DYNC2H1: variants seen among roughly 807,000 people sequenced by gnomAD.
The protein encoded by DYNC2H1 is dynein cytoplasmic 2 heavy chain 1, also known as cytoplasmic dynein 2 heavy chain 1.
In DYNC2H1, 410 loss-of-function variants were observed where a neutral mutation model predicts 570.0. That is an observed-to-expected ratio of 0.72 (90% confidence interval 0.66 to 0.78). The LOEUF is 0.78. DYNC2H1 is among the 30% of genes least tolerant of loss of function. The pLI is 0.00. For synonymous variants in DYNC2H1, 1,688 were observed against 1,677.6 expected (o/e 1.01, Z -0.15); for missense variants, 4,865 against 5,046.4 (o/e 0.96, Z 1.09).
chr11:103,152,924 A>T (rs1455120716), intron 21 of DYNC2H1, among the ~76,000 whole-genome samples: 1 of 152,194 alleles, frequency 6.6e-6, no homozygotes, highest in Admixed American at 6.6e-5. Context: ...CCTTAGCTGC[A>T]TGGGAGACTG....
At chr11:103,259,513 G>A (rs1591486716) in intron 69 of DYNC2H1, among the ~76,000 whole-genome samples, 1 of 151,850 alleles carries the variant, frequency 6.6e-6, no homozygotes, top group Non-Finnish European at 1.5e-5. Context: ...TTCTTTATAA[G>A]GTATTCTTGT....
chr11:103,258,403 A>C (rs2135269267), intron 69 of DYNC2H1, among the ~76,000 whole-genome samples: 1 of 152,308 alleles, frequency 6.6e-6, no homozygotes. Flanking sequence ...TTAATCCGAA[A>C]CTTGGCCAAT....
chr11:103,136,943 T>C (rs1177198505), intron 17 of DYNC2H1, among the ~76,000 whole-genome samples: 133 of 151,712 alleles, frequency 8.8e-4, no homozygotes, highest in Admixed American at 2.2e-3. Flanking sequence ...TGGTATCTCA[T>C]TGTGGTTTTG....
At position 103,439,718 on chromosome 11, in the gene DYNC2H1, C is replaced by G. The variant is rs900412834; in HGVS notation, c.12456+3686C>G. On this transcript the variant is annotated intron_variant, in intron 85 of 88. Transcript: ENST00000375735. The surrounding 1 kb of genome is among the most constrained non-coding windows in gnomAD (Gnocchi z 4.1). The stretch of plus-strand genomic sequence containing the variant: ...TTCACTCTCTGGTTTCTGTAAGATC[C>G]TTTAGAGCAAAGATCTTAAAAAAAA... Among the ~76,000 whole-genome samples, 3 of 151,828 alleles carry G rather than the reference C, an allele frequency of 2.0e-5. No homozygotes were observed. Among genetic ancestry groups the G allele is most frequent in the African/African-American group, 7.3e-5 (3 of 41,326 alleles).
chr11:103,340,867 G>T (rs1939409773), intron 82 of DYNC2H1, among the ~76,000 whole-genome samples: 1 of 151,908 alleles, frequency 6.6e-6, no homozygotes, highest in Non-Finnish European at 1.5e-5. Context: ...ACAAATAATG[G>T]CATAAAAAAA....
intron 82 of DYNC2H1, among the ~76,000 whole-genome samples, chr11:103,356,692 CA>C (rs984789147): frequency 2.0e-5 from 3 of 151,526 alleles, no homozygotes; most frequent in Non-Finnish European, 2.9e-5. Flanking sequence ...ATCAGAAAAA[CA>C]AAAAAAATCA....
intron 84 of DYNC2H1, among the ~76,000 whole-genome samples, chr11:103,430,686 G>C (rs1468193837): frequency 7.2e-5 from 11 of 151,882 alleles, no homozygotes; most frequent in Admixed American, 5.9e-4. Flanking sequence ...TAAGTCATCA[G>C]CCCATTTCTG....
chr11:103,156,507 T>A lies in DYNC2H1; in HGVS notation c.3864T>A (p.Thr1288=). 6.2e-7 allele frequency: 1 copy of A among 1,613,774 alleles called. No individual in the cohort carries two copies. Among genetic ancestry groups the A allele is most frequent in the Non-Finnish European group, 8.5e-7 (1 of 1,179,756 alleles). ...LIDYEDSQSR[T]MKLIKDWKDI... The stretch of plus-strand genomic sequence containing the variant: ...ATTATGAAGACAGCCAAAGTCGAAC[T>A]ATGAAGCTGATTAAAGACTGGAAAG... The change falls in exon 26 of 89, where the codon ACT becomes ACA. Residue 1288 remains threonine, a synonymous_variant. Coordinates refer to ENST00000375735, the MANE Select transcript of DYNC2H1 (RefSeq NM_001377.3).
intron 84 of DYNC2H1, among the ~76,000 whole-genome samples, chr11:103,424,907 A>G (rs905308638): frequency 6.6e-6 from 1 of 152,120 alleles, no homozygotes; most frequent in African/African-American, 2.4e-5. Flanking sequence ...TCTGTCTTAT[A>G]TCCAATAGAC....
intron 86 of DYNC2H1, 42 bp downstream of exon 86, chr11:103,455,337 A>G: frequency 6.4e-7 from 1 of 1,561,646 alleles, no homozygotes; most frequent in Non-Finnish European, 8.8e-7. Flanking sequence ...CCCTGACGGT[A>G]ATTAGTTTTG....
chr11:103,386,256 A>T (rs1029641330), intron 83 of DYNC2H1, among the ~76,000 whole-genome samples: 12 of 152,224 alleles, frequency 7.9e-5, no homozygotes, highest in African/African-American at 2.9e-4. Flanking sequence ...GTATTAAATG[A>T]TTATGCTTTG....
At position 103,205,898 on chromosome 11, in the gene DYNC2H1, CT is replaced by C. The variant is rs1862904362; in HGVS notation, c.8454+937del. Among the ~76,000 whole-genome samples, 1 of 152,100 alleles carries C rather than the reference CT, an allele frequency of 6.6e-6. No homozygotes were observed. The highest frequency in any genetic ancestry group is 6.6e-5 in the Admixed American group (1 of 15,258). ...TAAGAGGAAACCAGTTAGGATGGGG[CT>C]TTGTAAGCTACTACACTCTATAGGA... On this transcript the variant is annotated intron_variant, in intron 52 of 88. Coordinates refer to ENST00000375735, the MANE Select transcript of DYNC2H1 (RefSeq NM_001377.3). The surrounding 1 kb of genome is among the most constrained non-coding windows in gnomAD (Gnocchi z 4.5).
chr11:103,389,212 C>A (rs7933915), intron 83 of DYNC2H1, among the ~76,000 whole-genome samples: 5,396 of 152,212 alleles, frequency 0.035, 316 homozygotes, highest in African/African-American at 0.12. Context: ...GATTCAACTT[C>A]TCCTGGTTTA....
At chr11:103,230,699 T>C (rs1863971608) in intron 59 of DYNC2H1, among the ~76,000 whole-genome samples, 1 of 152,332 alleles carries the variant, frequency 6.6e-6, no homozygotes, top group African/African-American at 2.4e-5. Context: ...TTTTAGCTTT[T>C]GGCTTTTTGC....
intron 84 of DYNC2H1, among the ~76,000 whole-genome samples, chr11:103,417,875 CAAAA>C (rs57468229): frequency 4.6e-5 from 6 of 131,460 alleles, no homozygotes; most frequent in African/African-American, 1.7e-4. Flanking sequence ...GACTCCATCT[CAAAA>C]AAAAAAAAAA....
intron 69 of DYNC2H1, among the ~76,000 whole-genome samples, chr11:103,259,418 C>A (rs1403271449): frequency 6.6e-6 from 1 of 152,124 alleles, no homozygotes; most frequent in Non-Finnish European, 1.5e-5. Flanking sequence ...TTTACAGCAT[C>A]AATTTCAAAG....
At position 103,163,104 on chromosome 11, in the gene DYNC2H1, G is replaced by A. The variant is rs779319572; in HGVS notation, c.4568G>A (p.Arg1523Gln). 9 of 1,612,974 alleles carry A rather than the reference G, an allele frequency of 5.6e-6. No homozygotes were observed. The highest frequency in any genetic ancestry group is 1.7e-5 in the Admixed American group (1 of 59,970). ...TTGAAGGAATGTGTTACTACTGGGC[G>A]AAGTTCTCAAGGTGCAGTTGACCCA... The part of the protein sequence containing the change: ...QLLKECVTTG[R>Q]SSQGAVDPSL... The change falls in exon 30 of 89, where the codon CGA becomes CAA. Residue 1523 changes from arginine (R) to glutamine (Q), a missense_variant. Physicochemically the swap from Arg to Gln is conservative, Grantham distance 43 (BLOSUM62 1). Transcript: ENST00000375735. The surrounding 1 kb of genome is among the most constrained non-coding windows in gnomAD (Gnocchi z 4.6).
chr11:103,397,505 CCATT>C (rs1319373780), intron 83 of DYNC2H1, among the ~76,000 whole-genome samples: 2 of 152,136 alleles, frequency 1.3e-5, no homozygotes, highest in East Asian at 3.8e-4. Flanking sequence ...TAAATATGCT[CCATT>C]CATCTTTTGA....
chr11:103,422,567 A>G (rs1203040167), intron 84 of DYNC2H1, among the ~76,000 whole-genome samples: 1 of 152,160 alleles, frequency 6.6e-6, no homozygotes, highest in African/African-American at 2.4e-5. Flanking sequence ...TTCATTGCAT[A>G]AACAGAATGA....
Sources: allele counts gnomAD v4.1 joint callset (sites outside exome capture counted in the v4.1 genomes callset), GRCh38; gene constraint gnomAD v4.1.1; non-coding constraint Gnocchi (gnomAD v3.1); transcripts MANE v1.5; gene names NCBI Gene and HGNC (gene_info 2026-07-23, HGNC 2026-07-21).